Variants in SHISAL2A observed in about 807,000 individuals in gnomAD.
SHISAL2A encodes the protein protein shisa-like-2A.
Under a neutral mutation model 11.5 loss-of-function variants are expected in SHISAL2A, and 18 were observed. The ratio of observed to expected loss-of-function variants is 1.57; its 90% CI spans 1.08 to 2.33. The LOEUF is 2.33. Among genes scored for constraint, SHISAL2A ranks in the 30% most tolerant of loss-of-function variants. The probability of loss-of-function intolerance (pLI) is 0.00; values close to 1 mark genes in which losing one functional copy is unlikely to be tolerated. For synonymous variants in SHISAL2A, 94 were observed against 99.6 expected (o/e 0.94, Z 0.34); for missense variants, 261 against 250.9 (o/e 1.04, Z -0.27).
At position 52,642,931 on chromosome 1, in the gene SHISAL2A, T is replaced by C. The variant is rs1016288303; in HGVS notation, c.251T>C (p.Val84Ala). 5.6e-6 allele frequency: 9 copies of C among 1,614,032 alleles called. No individual in the cohort carries two copies. The highest frequency in any genetic ancestry group is 7.6e-6 in the Non-Finnish European group (9 of 1,180,020). The part of the protein sequence containing the change: ...VLLAFIVTAC[V>A]LCYLFISSKP... Reference sequence around the variant, plus strand: ...CTCGCCTTCATTGTTACCGCCTGTGTGCTCTGCTACCTGTTCATCAGCTCT... The same window carrying C: ...CTCGCCTTCATTGTTACCGCCTGTGCGCTCTGCTACCTGTTCATCAGCTCT... The change falls in exon 2 of 3, where the codon GTG becomes GCG. Residue 84 changes from valine (V) to alanine (A), a missense_variant. Transcript: ENST00000517870.
At chr1:52,654,829 T>C (rs1434924181) in intron 2 of SHISAL2A, among the ~76,000 whole-genome samples, 1 of 152,196 alleles carries the variant, frequency 6.6e-6, no homozygotes, top group Non-Finnish European at 1.5e-5. Context: ...TGAAAGATCC[T>C]GTTAAGAGGA....
chr1:52,651,371 G>A (rs1295965723), intron 2 of SHISAL2A, among the ~76,000 whole-genome samples: 1 of 151,860 alleles, frequency 6.6e-6, no homozygotes, highest in Non-Finnish European at 1.5e-5. Flanking sequence ...CAAGTAGCTG[G>A]GATTACAGGC....
chr1:52,657,994 A>G (rs1429647916), downstream of SHISAL2A, among the ~76,000 whole-genome samples: 1 of 152,094 alleles, frequency 6.6e-6, no homozygotes, highest in Non-Finnish European at 1.5e-5. Flanking sequence ...CAAGTGTTCA[A>G]TGAGGTGATG....
chr1:52,664,112 G>A (rs1691961402), intron 4 of SHISAL2A, among the ~76,000 whole-genome samples: 1 of 152,046 alleles, frequency 6.6e-6, no homozygotes. Context: ...CAAAGGTATC[G>A]AAACCTTGGC....
rs1691165873 is a variant in SHISAL2A at position 52,633,255 on chromosome 1, C to G, written c.-239C>G. The G allele has an allele frequency of 3.0e-6, 1 of 338,472 alleles. No homozygotes were observed. The highest frequency in any genetic ancestry group is 4.7e-5 in the East Asian group (1 of 21,462). 21.0% of individuals were successfully genotyped at this position (338,472 alleles called of 1,614,324 possible). ...TTCCAGCAGCCGTCACTCCCGCCGC[C>G]GGCCCCCGCCGCCCGCCCCGCCTGC... On this transcript the variant is annotated 5_prime_UTR_variant, in exon 1 of 3. Transcript: ENST00000517870. This position sits in a 1 kb window ranked among gnomAD's most constrained non-coding sequence, Gnocchi z 6.4.
At chr1:52,635,635 C>T (rs1248716692) in intron 1 of SHISAL2A, among the ~76,000 whole-genome samples, 1 of 151,872 alleles carries the variant, frequency 6.6e-6, no homozygotes, top group Admixed American at 6.6e-5. Flanking sequence ...TTTTACAACT[C>T]CTCCTATAGG....
At chr1:52,635,862 G>A (rs1691226274) in intron 1 of SHISAL2A, among the ~76,000 whole-genome samples, 1 of 152,246 alleles carries the variant, frequency 6.6e-6, no homozygotes. Flanking sequence ...GCCCAGGAAT[G>A]AAGAAAGACA....
At chr1:52,660,399 C>T (rs1691880736), downstream of SHISAL2A, among the ~76,000 whole-genome samples, 1 of 152,142 alleles carries the variant, frequency 6.6e-6, no homozygotes, top group African/African-American at 2.4e-5. Flanking sequence ...CTGGGTCCTG[C>T]ATTAGAAACA....
intron 1 of SHISAL2A, among the ~76,000 whole-genome samples, chr1:52,635,946 A>G (rs1163837722): frequency 1.3e-5 from 2 of 152,234 alleles, no homozygotes; most frequent in Non-Finnish European, 2.9e-5. Flanking sequence ...TCTGTATCAG[A>G]TTTCTCTTAC....
exon 6 of SHISAL2A, chr1:52,668,734 T>C: frequency 6.6e-6 from 1 of 152,544 alleles, no homozygotes; most frequent in Non-Finnish European, 1.5e-5. Context: ...AGCTCTTGGA[T>C]TTGGCCTTTG....
intron 2 of SHISAL2A, among the ~76,000 whole-genome samples, chr1:52,651,802 T>C (rs562609045): frequency 1.3e-5 from 2 of 152,144 alleles, no homozygotes; most frequent in Non-Finnish European, 2.9e-5. Flanking sequence ...ATGGAAAAAA[T>C]TAGTACTTAA....
At chr1:52,644,458 C>T (rs1400469431) in intron 2 of SHISAL2A, among the ~76,000 whole-genome samples, 1 of 152,198 alleles carries the variant, frequency 6.6e-6, no homozygotes, top group Non-Finnish European at 1.5e-5. Context: ...GTTGTAGTGG[C>T]TCATGCCTGT....
chr1:52,660,843 G>A (rs269323), downstream of SHISAL2A, among the ~76,000 whole-genome samples: 84,431 of 151,976 alleles, frequency 0.56, 24,422 homozygotes, highest in East Asian at 0.84. Context: ...ATGAGGTCCC[G>A]ATCCCTATCT....
chr1:52,660,494 A>G (rs1305888882), downstream of SHISAL2A, among the ~76,000 whole-genome samples: 1 of 152,146 alleles, frequency 6.6e-6, no homozygotes, highest in African/African-American at 2.4e-5. Context: ...GCAGACAGAA[A>G]TAGTCTGAGC....
intron 2 of SHISAL2A, among the ~76,000 whole-genome samples, chr1:52,655,905 A>G (rs1691781701): frequency 6.6e-6 from 1 of 152,214 alleles, no homozygotes; most frequent in Non-Finnish European, 1.5e-5. Context: ...GCAGAAGAAG[A>G]TGAAAGCCTG....
At chr1:52,646,132 C>T (rs11205987) in intron 2 of SHISAL2A, among the ~76,000 whole-genome samples, 52,941 of 152,052 alleles carry the variant, frequency 0.35, 9,364 homozygotes, top group Middle Eastern at 0.42. Context: ...TTGGTTGTCA[C>T]ATTCGGGGAA....
intron 2 of SHISAL2A, among the ~76,000 whole-genome samples, chr1:52,645,034 A>G (rs1691466647): frequency 6.7e-6 from 1 of 150,206 alleles, no homozygotes; most frequent in Admixed American, 6.6e-5. Flanking sequence ...AAAAAAAAAA[A>G]GAAGAAGAAG....
chr1:52,653,363 G>A (rs1691715284), intron 2 of SHISAL2A, among the ~76,000 whole-genome samples: 1 of 150,548 alleles, frequency 6.6e-6, no homozygotes, highest in Non-Finnish European at 1.5e-5. Flanking sequence ...GGGAGGCTGA[G>A]ATGGGAGGAT....
intron 1 of SHISAL2A, among the ~76,000 whole-genome samples, chr1:52,637,597 G>A (rs1691265708): frequency 6.6e-6 from 1 of 152,240 alleles, no homozygotes; most frequent in African/African-American, 2.4e-5. Flanking sequence ...TTACGAGGGT[G>A]TGAGCCAGAA....
Sources: allele counts gnomAD v4.1 joint callset (sites outside exome capture counted in the v4.1 genomes callset), GRCh38; gene constraint gnomAD v4.1.1; non-coding constraint Gnocchi (gnomAD v3.1); transcripts MANE v1.5; gene names NCBI Gene and HGNC (gene_info 2026-07-23, HGNC 2026-07-21).